The following CHD2 variants were observed in gnomAD, a reference collection of about 807,000 sequenced individuals.
The protein encoded by CHD2 is chromodomain helicase DNA binding protein 2.
CHD2 carries 28 observed loss-of-function variants against 243.9 expected under a neutral mutation model. The observed-to-expected ratio is 0.11, with a 90% CI of 0.09 to 0.16. The LOEUF is 0.16. CHD2 is among the 10% of genes least tolerant of loss of function. CHD2 has a pLI of 1.00. For missense variants in CHD2, 1,386 were observed against 2,209.8 expected, an observed-to-expected ratio of 0.63 and a Z score of 7.47; for synonymous variants, 775 against 779.0, an observed-to-expected ratio of 0.99 and a Z score of 0.09.
intron 2 of CHD2, chr15:92,902,435 C>T: frequency 2.8e-6 from 1 of 353,268 alleles, no homozygotes; most frequent in Non-Finnish European, 5.0e-6. Context: ...GTTTTCCTTC[C>T]CAATTTTTAC....
chr15:92,967,199 C>T, intron 16 of CHD2, 126 bp from the exon 17 acceptor site: 2 of 637,744 alleles, frequency 3.1e-6, no homozygotes, highest in Non-Finnish European at 2.6e-6. Context: ...GTTTTCCCTT[C>T]TATTTAAGAG....
At position 92,942,815 on chromosome 15, in the gene CHD2, C is replaced by T. The variant is rs1401759720; in HGVS notation, c.827-28C>T. On this transcript the variant is annotated intron_variant, in intron 8 of 38. Transcript: ENST00000394196. Reference sequence around the variant, plus strand: ...TTTAATATCTGGTGTAATATACTCTCTTTCAAGTGTACTTAATCCTTTTGC... The same window carrying T: ...TTTAATATCTGGTGTAATATACTCTTTTTCAAGTGTACTTAATCCTTTTGC... 4 of 1,553,370 alleles carry T rather than the reference C, an allele frequency of 2.6e-6. No individual in the cohort carries two copies. The African/African-American group carries it at 4.1e-5, about 16-fold the overall frequency.
chr15:92,924,591 C>G, intron 3 of CHD2, 39 bp downstream of exon 3: 4 of 1,526,888 alleles, frequency 2.6e-6, no homozygotes, highest in Non-Finnish European at 3.6e-6. Flanking sequence ...TGCTGCTAGC[C>G]TAGGACAAGC....
At chr15:92,942,263 A>G (rs2053393775) in intron 8 of CHD2, among the ~76,000 whole-genome samples, 1 of 152,224 alleles carries the variant, frequency 6.6e-6, no homozygotes, top group South Asian at 2.1e-4. Context: ...TCCTTGTGAA[A>G]ATATCAAACT....
rs2141773450 is a variant in CHD2 at position 92,937,530 on chromosome 15, A to G, written c.456A>G (p.Lys152=). The G allele has an allele frequency of 6.2e-7, 1 of 1,607,422 alleles. No homozygotes were observed. Among genetic ancestry groups the G allele is most frequent in the East Asian group, 2.2e-5 (1 of 44,806 alleles). ...QRQLKKQEKW[K]QEPSEDEQEQ... The stretch of plus-strand genomic sequence containing the variant: ...CTTTTGATCACAGAGAAAAATGGAA[A>G]CAGGAACCCTCAGAAGATGAACAGG... The change falls in exon 6 of 39, where the codon AAA becomes AAG. Residue 152 remains lysine (K), a synonymous_variant. Transcript: ENST00000394196.
chr15:92,950,132 G>C (rs946921435), intron 13 of CHD2, among the ~76,000 whole-genome samples: 2 of 152,198 alleles, frequency 1.3e-5, no homozygotes, highest in African/African-American at 4.8e-5. Context: ...GTCTGAGCAG[G>C]TTATAGTCCA....
At chr15:92,972,137 T>A (rs2053849597) in intron 18 of CHD2, 128 bp from the exon 19 acceptor site, 1 of 1,088,094 alleles carries the variant, frequency 9.2e-7, no homozygotes, top group African/African-American at 1.6e-5. Flanking sequence ...CGGGAATTGC[T>A]GGTCAAGCAG....
chr15:92,904,803 AGT>A, intron 2 of CHD2: 1 of 1,479,020 alleles, frequency 6.8e-7, no homozygotes, highest in South Asian at 1.4e-5. Context: ...TGAAGAGATG[AGT>A]GGGTTTAATT....
intron 24 of CHD2, among the ~76,000 whole-genome samples, chr15:92,983,726 G>T (rs939853217): frequency 2.0e-5 from 3 of 152,182 alleles, no homozygotes; most frequent in Non-Finnish European, 4.4e-5. Flanking sequence ...TATTTGATAA[G>T]AAATGAAGAG....
chr15:93,020,552 G>A lies in CHD2; in HGVS notation c.5153+294G>A. Reference sequence around the variant, plus strand: ...TCAACAACCAAAATTATTAAGCTCTGTGCGAGGCTGTCAGCCACACTAGGT... The same window carrying A: ...TCAACAACCAAAATTATTAAGCTCTATGCGAGGCTGTCAGCCACACTAGGT... On this transcript the variant is annotated intron_variant, in intron 38 of 38. Coordinates refer to ENST00000394196, the MANE Select transcript of CHD2 (RefSeq NM_001271.4). 5.3e-6 allele frequency: 3 copies of A among 568,208 alleles called. No individual in the cohort carries two copies. The South Asian group carries it at 6.7e-5, about 13-fold the overall frequency. 35.2% of individuals were successfully genotyped at this position (568,208 alleles called of 1,614,324 possible). A position where few individuals can be genotyped will look rare whatever the true frequency, so the allele number is the denominator to read the frequency against.
chr15:92,937,721 T>C (rs1288619720), intron 6 of CHD2, 96 bp downstream of exon 6: 2 of 836,534 alleles, frequency 2.4e-6, no homozygotes, highest in East Asian at 2.7e-5. Flanking sequence ...TTTAATGAGA[T>C]GCATTGTGTT....
intron 34 of CHD2, among the ~76,000 whole-genome samples, chr15:93,007,835 A>G (rs1489773631): frequency 4.6e-5 from 7 of 152,158 alleles, no homozygotes; most frequent in South Asian, 4.1e-4. Context: ...GATTGCTTCA[A>G]CTTTGTTTCA....
intron 26 of CHD2, 68 bp from the exon 27 acceptor site, chr15:92,991,408 A>C: frequency 4.3e-6 from 5 of 1,159,156 alleles, no homozygotes; most frequent in Non-Finnish European, 5.1e-6. Context: ...ATCACAGGAT[A>C]TGCTAGCATC....
chr15:92,992,811 AG>A (rs774297906), intron 27 of CHD2, 47 bp from the exon 28 acceptor site: 1 of 1,601,432 alleles, frequency 6.2e-7, no homozygotes, highest in East Asian at 2.2e-5. Flanking sequence ...ACACTTAAGA[AG>A]AGTGGGCACA....
rs549411291 is a variant in CHD2 at position 92,943,323 on chromosome 15, T to C, written c.1052+255T>C. 2.7e-3 allele frequency: 1,193 copies of C among 446,918 alleles called. 25 individuals carry two copies. The highest frequency in any genetic ancestry group is 0.025 in the South Asian group (1,152 of 45,776). The allele number at this position is 446,918 out of a possible 1,614,324, so 27.7% of individuals were successfully genotyped here. A position where few individuals can be genotyped will look rare whatever the true frequency, so the allele number is the denominator to read the frequency against. Reference sequence around the variant, plus strand: ...CACATTCTTTAGTTTTCACAATAAGTGCATGAGATTTGTACTGTTATTACC... The same window carrying C: ...CACATTCTTTAGTTTTCACAATAAGCGCATGAGATTTGTACTGTTATTACC... On this transcript the variant is annotated intron_variant, in intron 9 of 38. Coordinates refer to ENST00000394196, the MANE Select transcript of CHD2 (RefSeq NM_001271.4).
chr15:92,907,796 T>G (rs2052649789), intron 2 of CHD2, among the ~76,000 whole-genome samples: 1 of 152,176 alleles, frequency 6.6e-6, no homozygotes, highest in African/African-American at 2.4e-5. Context: ...TCTTACTGTT[T>G]GTTTCATCTT....
chr15:92,920,134 AC>A (rs1184117756), intron 2 of CHD2, among the ~76,000 whole-genome samples: 1 of 149,298 alleles, frequency 6.7e-6, no homozygotes, highest in Non-Finnish European at 1.5e-5. Context: ...ATATATGCTG[AC>A]AGAAAAACGG....
At chr15:92,956,317 G>A (rs1017466064) in intron 15 of CHD2, 142 bp from the exon 16 acceptor site, 5 of 628,500 alleles carry the variant, frequency 8.0e-6, no homozygotes, top group Non-Finnish European at 1.4e-5. Flanking sequence ...AACAGAAGAG[G>A]CCTAATATAT....
chr15:92,955,426 C>A lies in CHD2; in HGVS notation c.1723C>A (p.Arg575=), dbSNP rs1162771333. The A allele has an allele frequency of 1.4e-5, 22 of 1,562,924 alleles. No homozygotes were observed. The highest frequency in any genetic ancestry group is 1.6e-5 in the Non-Finnish European group (18 of 1,156,290). Residue 575 remains arginine (R), a synonymous_variant, in exon 15 of 39, where the codon CGG becomes AGG. Coordinates refer to ENST00000394196, the MANE Select transcript of CHD2 (RefSeq NM_001271.4). ...IGDLMSRNTI[R]EYEWIHSQTK... is the part of the protein sequence containing the mutation. ...TAATTATGTTTTTTTCTTATAGATA[C>A]GGGAATATGAATGGATTCATTCCCA...
Sources: gnomAD v4.1 joint callset for allele counts (sites outside exome capture counted in the v4.1 genomes callset) on GRCh38, gnomAD v4.1.1 for gene constraint, MANE v1.5 for transcripts, NCBI Gene and HGNC (gene_info 2026-07-23, HGNC 2026-07-21) for gene names.